Variants in ZBTB16 observed in about 807,000 individuals in gnomAD.
ZBTB16 encodes the protein zinc finger and BTB domain-containing protein 16.
Under a neutral mutation model 56.8 loss-of-function variants are expected in ZBTB16, and 8 were observed. The ratio of observed to expected loss-of-function variants is 0.14; its 90% CI spans 0.08 to 0.25. ZBTB16 has a LOEUF of 0.25. Among genes scored for constraint, ZBTB16 ranks in the 10% least tolerant of loss-of-function variants. The pLI is 1.00. For missense variants in ZBTB16, 625 were observed against 903.0 expected (o/e 0.69, Z 3.95); for synonymous variants, 363 against 368.5 (o/e 0.98, Z 0.17).
intron 4 of ZBTB16, among the ~76,000 whole-genome samples, chr11:114,222,208 A>G (rs1053071148): frequency 3.3e-5 from 5 of 152,244 alleles, no homozygotes; most frequent in South Asian, 2.1e-4. Flanking sequence ...ACTCCTCTCA[A>G]TGACTTTTGC....
At position 114,255,718 on chromosome 11, in the gene ZBTB16, TAA is replaced by T. The variant is rs10576984; in HGVS notation, c.*5177_*5178del. On this transcript the variant is annotated 3_prime_UTR_variant, in exon 7 of 7. Coordinates refer to ENST00000335953, the MANE Select transcript of ZBTB16 (RefSeq NM_006006.6). ...TAATTTCAGTGTTTCTGACAAGATT[TAA>T]AAAAAAAAAAAAAGGAAAAAAAAAG... Among the ~76,000 whole-genome samples the T allele has an allele frequency of 0.42, 59,625 of 143,130 alleles. 12,760 individuals carry two copies. The highest frequency in any genetic ancestry group is 0.51 in the South Asian group (2,342 of 4,560). The allele number at this position is 143,130 out of a possible 152,430, so 93.9% of individuals were successfully genotyped here. A position where few individuals can be genotyped will look rare whatever the true frequency, so the allele number is the denominator to read the frequency against.
intron 2 of ZBTB16, among the ~76,000 whole-genome samples, chr11:114,107,000 A>G (rs1387481489): frequency 1.3e-5 from 2 of 152,196 alleles, no homozygotes; most frequent in Non-Finnish European, 2.9e-5. Flanking sequence ...TATTTTCAAC[A>G]GTTAGACTTG....
In ZBTB16 at chr11:114,252,716, G is replaced by T. The variant is rs1944937544; in HGVS notation, c.*2161G>T. On this transcript the variant is annotated 3_prime_UTR_variant, in exon 7 of 7. Coordinates refer to ENST00000335953, the MANE Select transcript of ZBTB16 (RefSeq NM_006006.6). ...TTTTACAAAGTGGTTTAGGGAAGCG[G>T]TTTTGGGGAGAAGGATCACGAGGAA... Among the ~76,000 whole-genome samples the T allele has an allele frequency of 4.6e-5, 7 of 152,146 alleles. No individual in the cohort carries two copies. The South Asian group carries it at 1.4e-3, about 32-fold the overall frequency.
intron 2 of ZBTB16, among the ~76,000 whole-genome samples, chr11:114,078,184 C>T (rs1190516140): frequency 6.6e-6 from 1 of 152,190 alleles, no homozygotes; most frequent in East Asian, 1.9e-4. Flanking sequence ...TTTTCTCCTC[C>T]TTCATGTGGA....
At chr11:114,176,003 G>A (rs532229788) in intron 3 of ZBTB16, among the ~76,000 whole-genome samples, 17 of 150,836 alleles carry the variant, frequency 1.1e-4, no homozygotes, top group Admixed American at 6.6e-4. Flanking sequence ...GTGTGTGTGC[G>A]TGCGTGTGTG....
At chr11:114,066,099 G>A (rs146677810) in intron 2 of ZBTB16, among the ~76,000 whole-genome samples, 2 of 152,152 alleles carry the variant, frequency 1.3e-5, no homozygotes, top group African/African-American at 4.8e-5. Context: ...CTGCTGTTTT[G>A]CTGATCTTGG....
rs10526570 is a variant in ZBTB16 at position 114,075,629 on chromosome 11, G to GTATATATATATATATATATATATATATA, written c.1268+11080_1268+11081insATATATATATATATATATATATATATAT. 9.2e-4 allele frequency among the ~76,000 whole-genome samples: 130 copies of GTATATATATATATATATATATATATATA among 141,010 alleles called. 3 individuals carry two copies. The highest frequency in any genetic ancestry group is 3.4e-3 in the African/African-American group (117 of 34,644). 92.5% of individuals were successfully genotyped at this position (141,010 alleles called of 152,430 possible). A position where few individuals can be genotyped will look rare whatever the true frequency, so the allele number is the denominator to read the frequency against. ...GCACCACCACACCTGGCTAATTTTTGTATATATATATATATATATTTAGTA... is the reference window on the plus strand; with the variant it reads ...GCACCACCACACCTGGCTAATTTTTGTATATATATATATATATATATATATATATATATATATATATATATATTTAGTA... On this transcript the variant is annotated intron_variant, in intron 2 of 6. Transcript: ENST00000335953.
At chr11:114,105,840 C>T (rs773809573) in intron 2 of ZBTB16, among the ~76,000 whole-genome samples, 3 of 152,188 alleles carry the variant, frequency 2.0e-5, no homozygotes, top group Non-Finnish European at 2.9e-5. Context: ...TGGGGAGATC[C>T]TTGTCTTTGC....
chr11:114,233,125 A>ACACACACACTCTCT (rs1443230792), intron 4 of ZBTB16, among the ~76,000 whole-genome samples: 1 of 54,720 alleles, frequency 1.8e-5, no homozygotes, highest in African/African-American at 5.1e-5. Context: ...ACACACACAC[A>ACACACACACTCTCT]CTCTCTCTCT....
At chr11:114,148,443 C>CCCTT (rs1942188409) in intron 2 of ZBTB16, among the ~76,000 whole-genome samples, 1 of 102,522 alleles carries the variant, frequency 9.8e-6, no homozygotes, top group African/African-American at 3.9e-5. Context: ...CTCTTTCTCT[C>CCCTT]TCTCTGTCTG....
chr11:114,112,128 G>T (rs924475597), intron 2 of ZBTB16, among the ~76,000 whole-genome samples: 18 of 152,254 alleles, frequency 1.2e-4, no homozygotes, highest in African/African-American at 4.1e-4. Context: ...CTTTTTGCAT[G>T]ATTTTCTTTC....
chr11:114,178,674 C>T (rs1389071413), intron 3 of ZBTB16, among the ~76,000 whole-genome samples: 1 of 152,146 alleles, frequency 6.6e-6, no homozygotes, highest in African/African-American at 2.4e-5. Context: ...CCTGTGTGCT[C>T]CCTGTGGGAC....
At chr11:114,147,338 C>T (rs1466539531) in intron 2 of ZBTB16, among the ~76,000 whole-genome samples, 1 of 152,176 alleles carries the variant, frequency 6.6e-6, no homozygotes, top group Non-Finnish European at 1.5e-5. Flanking sequence ...ACAACATTTC[C>T]TTCGCATGTA....
intron 2 of ZBTB16, among the ~76,000 whole-genome samples, chr11:114,088,278 A>G (rs1443524586): frequency 1.3e-5 from 2 of 151,278 alleles, no homozygotes; most frequent in East Asian, 3.9e-4. Flanking sequence ...AGTAGCTGAG[A>G]TTACAGACAT....
chr11:114,194,261 T>C (rs510358), intron 4 of ZBTB16, among the ~76,000 whole-genome samples: 54,734 of 152,098 alleles, frequency 0.36, 10,045 homozygotes, highest in African/African-American at 0.44. Context: ...GTTATGGTGT[T>C]GTACAGGTAT....
intron 2 of ZBTB16, among the ~76,000 whole-genome samples, chr11:114,069,437 AG>A (rs2137668334): frequency 6.6e-6 from 1 of 152,340 alleles, no homozygotes; most frequent in African/African-American, 2.4e-5. Context: ...TGTCTGAGCC[AG>A]CTTTCTGGAT....
At chr11:114,147,230 C>T (rs755680281) in intron 2 of ZBTB16, among the ~76,000 whole-genome samples, 4 of 152,228 alleles carry the variant, frequency 2.6e-5, no homozygotes, top group Non-Finnish European at 5.9e-5. Flanking sequence ...TCTCAACAAT[C>T]TCTGAGTTTC....
chr11:114,164,667 TG>T (rs1942692721), intron 3 of ZBTB16, among the ~76,000 whole-genome samples: 1 of 152,224 alleles, frequency 6.6e-6, no homozygotes, highest in South Asian at 2.1e-4. Flanking sequence ...TTAGGAGGCC[TG>T]GCCGTGCTTT....
chr11:114,251,245 G>A lies in ZBTB16; in HGVS notation c.*690G>A, dbSNP rs1371581454. ...GACTCCTGTCCTCCAAGTCCCAGGG[G>A]AGTCCCAGCCCCTCAGGGACCTGGC... On this transcript the variant is annotated 3_prime_UTR_variant, in exon 7 of 7. Transcript: ENST00000335953. 6.6e-6 allele frequency among the ~76,000 whole-genome samples: 1 copy of A among 152,092 alleles called. No individual in the cohort carries two copies. Among genetic ancestry groups the A allele is most frequent in the Admixed American group, 6.5e-5 (1 of 15,270 alleles).
Sources: allele counts gnomAD v4.1 joint callset (sites outside exome capture counted in the v4.1 genomes callset), GRCh38; gene constraint gnomAD v4.1.1; transcripts MANE v1.5; gene names NCBI Gene and HGNC (gene_info 2026-07-23, HGNC 2026-07-21).